Variants in PDE4B observed in about 807,000 individuals in gnomAD.
PDE4B encodes the protein 3',5'-cyclic-AMP phosphodiesterase 4B.
PDE4B carries 20 observed loss-of-function variants against 82.2 expected under a neutral mutation model. That is an observed-to-expected ratio of 0.24 (90% CI 0.17 to 0.35). PDE4B has a LOEUF of 0.35. PDE4B is among the 10% of genes least tolerant of loss of function. PDE4B has a pLI of 1.00. For synonymous variants in PDE4B, 320 were observed against 318.9 expected, an observed-to-expected ratio of 1.00 and a Z score of -0.04; for missense variants, 655 against 907.2, an observed-to-expected ratio of 0.72 and a Z score of 3.57.
intron 1 of PDE4B, among the ~76,000 whole-genome samples, chr1:65,877,577 T>C (rs962780042): frequency 1.3e-5 from 2 of 151,820 alleles, no homozygotes; most frequent in African/African-American, 4.8e-5. Context: ...ATCATGCCAC[T>C]GTACCCCAGC....
At chr1:66,144,987 A>G (rs1048938645) in intron 3 of PDE4B, among the ~76,000 whole-genome samples, 26 of 152,228 alleles carry the variant, frequency 1.7e-4, no homozygotes, top group Non-Finnish European at 2.1e-4. Context: ...ACTTTTTACA[A>G]TAGTAGAATG....
At chr1:66,050,778 G>A (rs1006941370) in intron 3 of PDE4B, 2 of 152,090 alleles carry the variant, frequency 1.3e-5, no homozygotes, top group East Asian at 3.8e-4. Context: ...TTAGAACATC[G>A]AGGTATTGGA....
intron 1 of PDE4B, among the ~76,000 whole-genome samples, chr1:65,878,141 C>A (rs1474131623): frequency 6.6e-6 from 1 of 152,118 alleles, no homozygotes; most frequent in African/African-American, 2.4e-5. Flanking sequence ...AGCTCATTAT[C>A]ATTGGTCATT....
At chr1:65,802,048 C>T (rs894780302) in intron 1 of PDE4B, among the ~76,000 whole-genome samples, 4 of 151,934 alleles carry the variant, frequency 2.6e-5, no homozygotes, top group Non-Finnish European at 5.9e-5. Context: ...TGCTTTAAGC[C>T]GTGTGATAAG....
chr1:66,268,667 C>CAAAAAAAAAAAAAAAAAAAAAA (rs36046564), intron 7 of PDE4B, among the ~76,000 whole-genome samples: 6 of 61,240 alleles, frequency 9.8e-5, no homozygotes, highest in East Asian at 5.2e-4. Context: ...GACTCCATCT[C>CAAAAAAAAAAAAAAAAAAAAAA]AAAAAAAAAA....
chr1:66,131,921 C>A (rs944993121), intron 3 of PDE4B, among the ~76,000 whole-genome samples: 1 of 151,798 alleles, frequency 6.6e-6, no homozygotes, highest in Non-Finnish European at 1.5e-5. Flanking sequence ...GTGAGAAGAG[C>A]CTTCTAGGCA....
chr1:66,313,262 AAGG>A (rs1658794186), intron 7 of PDE4B, among the ~76,000 whole-genome samples: 1 of 152,312 alleles, frequency 6.6e-6, no homozygotes, highest in African/African-American at 2.4e-5. Flanking sequence ...ATGCCCATCC[AAGG>A]AGAAGTACTC....
At chr1:66,247,150 G>T (rs149214578) in intron 3 of PDE4B, among the ~76,000 whole-genome samples, 166 of 152,244 alleles carry the variant, frequency 1.1e-3, no homozygotes, top group African/African-American at 3.8e-3. Context: ...CGCCGAATTT[G>T]TCCAAGTTAC....
chr1:66,170,241 T>C (rs1041362243), intron 3 of PDE4B, among the ~76,000 whole-genome samples: 3 of 152,166 alleles, frequency 2.0e-5, no homozygotes, highest in African/African-American at 7.2e-5. Context: ...GGAATGAAGC[T>C]GGGAGATGGT....
rs1188776104 is a variant in PDE4B, at chr1:65,792,923, G to T, written c.-396G>T. Among the ~76,000 whole-genome samples the T allele has an allele frequency of 2.0e-5, 3 of 151,888 alleles. No homozygotes were observed. The East Asian group carries it at 5.9e-4, about 30-fold the overall frequency. On this transcript the variant is annotated 5_prime_UTR_variant, in exon 1 of 17. Coordinates refer to ENST00000341517, the MANE Select transcript of PDE4B (RefSeq NM_002600.4). Reference sequence around the variant, plus strand: ...GGACGAGAGAAGAGCTGAGGGGCGCGTCGCCAGCGCCTGTGTCTCCCTGGC... The same window carrying T: ...GGACGAGAGAAGAGCTGAGGGGCGCTTCGCCAGCGCCTGTGTCTCCCTGGC...
At chr1:66,278,950 A>G (rs1656088300) in intron 7 of PDE4B, among the ~76,000 whole-genome samples, 1 of 152,034 alleles carries the variant, frequency 6.6e-6, no homozygotes, top group Non-Finnish European at 1.5e-5. Flanking sequence ...GCTTTTTGTC[A>G]ACACAATGGG....
At chr1:65,828,605 A>G (rs1646046171) in intron 1 of PDE4B, among the ~76,000 whole-genome samples, 1 of 152,154 alleles carries the variant, frequency 6.6e-6, no homozygotes, top group African/African-American at 2.4e-5. Context: ...GTAAAAATAT[A>G]TATTGTTTTT....
chr1:66,157,520 T>C (rs1408878945), intron 3 of PDE4B, among the ~76,000 whole-genome samples: 1 of 152,208 alleles, frequency 6.6e-6, no homozygotes. Flanking sequence ...TTACTGGCTC[T>C]GTCTAGAATT....
intron 7 of PDE4B, chr1:66,331,971 T>A (rs1305082314): frequency 9.8e-7 from 1 of 1,015,346 alleles, no homozygotes; most frequent in Non-Finnish European, 1.2e-6. Flanking sequence ...ATCCTCAGGA[T>A]GAATGACTGC....
chr1:66,108,816 C>A (rs149016562), intron 3 of PDE4B, among the ~76,000 whole-genome samples: 1 of 152,016 alleles, frequency 6.6e-6, no homozygotes, highest in African/African-American at 2.4e-5. Flanking sequence ...GCTTACAAAG[C>A]TGTTTTAAGT....
chr1:65,812,335 G>A lies in PDE4B; in HGVS notation c.-71+19087G>A, dbSNP rs1382523539. Among the ~76,000 whole-genome samples the A allele has an allele frequency of 3.9e-5, 6 of 152,268 alleles. No individual in the cohort carries two copies. In the South Asian group the frequency reaches 1.0e-3, roughly 26 times the overall value. ...GTTACTCACTTGTTTCAGTTTCTCT[G>A]CTGGTCTCCTTCTTAGGGTATGGCC... On this transcript the variant is annotated intron_variant, in intron 1 of 16. Transcript: ENST00000341517.
chr1:65,801,407 T>G (rs1300345902), intron 1 of PDE4B, among the ~76,000 whole-genome samples: 1 of 152,226 alleles, frequency 6.6e-6, no homozygotes, highest in African/African-American at 2.4e-5. Flanking sequence ...CATGAAGTAA[T>G]TTTTAAGACC....
At chr1:66,079,194 C>G (rs548027983) in intron 3 of PDE4B, among the ~76,000 whole-genome samples, 1 of 149,414 alleles carries the variant, frequency 6.7e-6, no homozygotes, top group African/African-American at 2.5e-5. Context: ...CTCTCTCTCT[C>G]TCTCTCTGTC....
At chr1:66,194,475 G>A (rs908325985) in intron 3 of PDE4B, among the ~76,000 whole-genome samples, 33 of 152,022 alleles carry the variant, frequency 2.2e-4, no homozygotes, top group Admixed American at 5.9e-4. Context: ...GGTGTCCATC[G>A]CCTTAAAATT....
Sources: allele counts gnomAD v4.1 joint callset (sites outside exome capture counted in the v4.1 genomes callset), GRCh38; gene constraint gnomAD v4.1.1; transcripts MANE v1.5; gene names NCBI Gene and HGNC (gene_info 2026-07-23, HGNC 2026-07-21).